CDYL2: variants seen among roughly 807,000 people sequenced by gnomAD.
CDYL2 encodes the protein chromodomain Y-like protein 2.
In CDYL2, 23 loss-of-function variants were observed where a neutral mutation model predicts 49.4. The observed-to-expected ratio is 0.47, with a 90% CI of 0.34 to 0.66. CDYL2 has a LOEUF of 0.66. Among genes scored for constraint, CDYL2 ranks in the 30% least tolerant of loss-of-function variants. CDYL2 has a pLI of 0.01. For synonymous variants in CDYL2, 360 were observed against 268.8 expected, an observed-to-expected ratio of 1.34 and a Z score of -3.32; for missense variants, 678 against 656.4, an observed-to-expected ratio of 1.03 and a Z score of -0.36.
chr16:80,604,999 C>G (rs1270983953), intron 6 of CDYL2, among the ~76,000 whole-genome samples: 1 of 152,134 alleles, frequency 6.6e-6, no homozygotes, highest in African/African-American at 2.4e-5. Flanking sequence ...AGCAATGCCC[C>G]GTGTTCAGGC....
At position 80,685,025 on chromosome 16, in the gene CDYL2, G is replaced by A. The variant is rs750403476; in HGVS notation, c.129C>T (p.His43=). The change falls in exon 2 of 7, where the codon CAC becomes CAT. Residue 43 remains histidine (H), a synonymous_variant. Transcript: ENST00000570137. Reference sequence around the variant, plus strand: ...TAAACTCCTCACAGTGCAAGAGGTGGTGCTCCGGCTCCCACGTGTCCTCGG... The same window carrying A: ...TAAACTCCTCACAGTGCAAGAGGTGATGCTCCGGCTCCCACGTGTCCTCGG... ...GSTEDTWEPE[H]HLLHCEEFID... The A allele has an allele frequency of 3.1e-6, 5 of 1,614,158 alleles. No individual in the cohort carries two copies. The highest frequency in any genetic ancestry group is 3.3e-5 in the Admixed American group (2 of 60,020).
rs1906634655 is a variant in CDYL2 at position 80,612,309 on chromosome 16, GT to G, written c.1218+316del. 6.6e-6 allele frequency among the ~76,000 whole-genome samples: 1 copy of G among 152,222 alleles called. No homozygotes were observed. Among genetic ancestry groups the G allele is most frequent in the Non-Finnish European group, 1.5e-5 (1 of 68,038 alleles). ...GGACCACTCAAGAGGATGAAGGCAA[GT>G]TTTGTTGTTAAAGCCACTGAGACCG... On this transcript the variant is annotated intron_variant, in intron 5 of 6. Coordinates refer to ENST00000570137, the MANE Select transcript of CDYL2 (RefSeq NM_152342.4). The surrounding 1 kb of genome is among the most constrained non-coding windows in gnomAD (Gnocchi z 5.0).
chr16:80,736,722 C>A (rs1196138771), intron 1 of CDYL2, among the ~76,000 whole-genome samples: 1 of 152,122 alleles, frequency 6.6e-6, no homozygotes, highest in Non-Finnish European at 1.5e-5. Context: ...ATGAGACTGG[C>A]CAACATAGTG....
intron 5 of CDYL2, 138 bp from the exon 6 acceptor site, chr16:80,608,373 T>A (rs1423388669): frequency 2.1e-6 from 2 of 946,510 alleles, no homozygotes; most frequent in East Asian, 2.8e-5. Flanking sequence ...TATTTTGGGG[T>A]CAGATAAGCT....
At chr16:80,753,040 T>C (rs1415982309) in intron 1 of CDYL2, among the ~76,000 whole-genome samples, 1 of 152,106 alleles carries the variant, frequency 6.6e-6, no homozygotes, top group African/African-American at 2.4e-5. Context: ...TCAAAATAAA[T>C]TAAGAATTAA....
chr16:80,639,799 C>T (rs527684144), intron 2 of CDYL2: 10 of 450,772 alleles, frequency 2.2e-5, no homozygotes, highest in Middle Eastern at 3.3e-4. Context: ...CACGTTTGTG[C>T]ACTGTGGAAA....
chr16:80,752,531 T>C (rs1412725210), intron 1 of CDYL2, among the ~76,000 whole-genome samples: 1 of 152,138 alleles, frequency 6.6e-6, no homozygotes, highest in Non-Finnish European at 1.5e-5. Context: ...AGTCACATTA[T>C]CTTTAGAAAA....
intron 1 of CDYL2, among the ~76,000 whole-genome samples, chr16:80,691,674 C>T (rs1322425926): frequency 2.0e-5 from 3 of 152,140 alleles, no homozygotes; most frequent in African/African-American, 4.8e-5. Flanking sequence ...CTAAAATGTT[C>T]CCAGTACAAT....
rs768140025 is a variant in CDYL2 at position 80,684,808 on chromosome 16, G to C, written c.346C>G (p.Pro116Ala). 2 of 1,613,430 alleles carry C rather than the reference G, an allele frequency of 1.2e-6. No individual in the cohort carries two copies. Among genetic ancestry groups the C allele is most frequent in the Admixed American group, 3.3e-5 (2 of 59,842 alleles). ...RKRINPPLAKPKKGYSGKPSS... is the reference protein window; with the variant it reads ...RKRINPPLAKAKKGYSGKPSS... ...GGCTTGCCTGAATACCCTTTTTTTG[G>C]CTTGGCCAGGGGAGGGTTAATTCGC... is the stretch of plus-strand genomic sequence containing the variant. Residue 116 changes from proline (P) to alanine (A), a missense_variant, in exon 2 of 7, where the codon CCA (proline) becomes GCA (alanine). Transcript: ENST00000570137.
At chr16:80,794,730 G>C (rs920868693) in intron 1 of CDYL2, among the ~76,000 whole-genome samples, 2 of 148,492 alleles carry the variant, frequency 1.3e-5, no homozygotes, top group East Asian at 2.0e-4. Context: ...TCCTGCCTCA[G>C]CCTCCTGAGC....
chr16:80,655,404 G>A (rs1431481935), intron 2 of CDYL2, among the ~76,000 whole-genome samples: 1 of 152,188 alleles, frequency 6.6e-6, no homozygotes, highest in African/African-American at 2.4e-5. Flanking sequence ...CCCTCATGGA[G>A]CTTGCTTTGG....
chr16:80,683,272 G>A (rs755703027), intron 2 of CDYL2, among the ~76,000 whole-genome samples: 11 of 152,174 alleles, frequency 7.2e-5, no homozygotes, highest in Non-Finnish European at 1.3e-4. Flanking sequence ...TCCAAGGCTC[G>A]GGTCTCTGGC....
At chr16:80,629,000 C>G (rs1311895508) in intron 3 of CDYL2, among the ~76,000 whole-genome samples, 2 of 152,114 alleles carry the variant, frequency 1.3e-5, no homozygotes, top group African/African-American at 2.4e-5. Context: ...AGTCAGAGCA[C>G]ATATAAAGGC....
chr16:80,669,304 A>G (rs1909400358), intron 2 of CDYL2, among the ~76,000 whole-genome samples: 1 of 152,198 alleles, frequency 6.6e-6, no homozygotes, highest in Non-Finnish European at 1.5e-5. Context: ...ATACGACGAT[A>G]TATTGACCCC....
intron 1 of CDYL2, among the ~76,000 whole-genome samples, chr16:80,783,800 G>C (rs1159365523): frequency 6.6e-6 from 1 of 152,128 alleles, no homozygotes; most frequent in Non-Finnish European, 1.5e-5. Flanking sequence ...AAGCCAAATA[G>C]AAAAGGCCAT....
chr16:80,764,556 G>C (rs988883698), intron 1 of CDYL2, among the ~76,000 whole-genome samples: 3 of 152,100 alleles, frequency 2.0e-5, no homozygotes, highest in Non-Finnish European at 2.9e-5. Flanking sequence ...AGTCTATGTT[G>C]CTGGAACAAG....
intron 5 of CDYL2, among the ~76,000 whole-genome samples, chr16:80,608,975 G>A (rs777555337): frequency 2.6e-5 from 4 of 152,140 alleles, no homozygotes; most frequent in Admixed American, 6.5e-5. Context: ...AAAAGGTCGT[G>A]AATAACACCA....
At chr16:80,754,453 A>C (rs1053624001) in intron 1 of CDYL2, among the ~76,000 whole-genome samples, 4 of 152,224 alleles carry the variant, frequency 2.6e-5, no homozygotes, top group Non-Finnish European at 5.9e-5. Context: ...GAATTTCTGC[A>C]GAGGAACTTT....
intron 1 of CDYL2, among the ~76,000 whole-genome samples, chr16:80,714,323 G>A (rs1904721337): frequency 6.6e-6 from 1 of 151,988 alleles, no homozygotes. Context: ...AGCTGCAAGA[G>A]AAGATTTTGA....
Sources: allele counts gnomAD v4.1 joint callset (sites outside exome capture counted in the v4.1 genomes callset), GRCh38; gene constraint gnomAD v4.1.1; non-coding constraint Gnocchi (gnomAD v3.1); transcripts MANE v1.5; gene names NCBI Gene and HGNC (gene_info 2026-07-23, HGNC 2026-07-21).